Variants in NID2 observed in about 807,000 individuals in gnomAD.
NID2 encodes nidogen-2.
In NID2, 83 loss-of-function variants were observed where a neutral mutation model predicts 145.4. The observed-to-expected ratio is 0.57, with a 90% CI of 0.48 to 0.69. The LOEUF is 0.69. Ranked by LOEUF, NID2 falls within the 30% of genes least tolerant of loss-of-function variation. NID2 has a pLI of 0.00. For missense variants in NID2, 1,807 were observed against 1,765.7 expected, an observed-to-expected ratio of 1.02 and a Z score of -0.42; for synonymous variants, 739 against 701.3, an observed-to-expected ratio of 1.05 and a Z score of -0.85.
Position 52,011,352 on chromosome 14 carries a change from C to T in NID2, c.3550+202G>A, listed in dbSNP as rs903073563. Among the ~76,000 whole-genome samples, 81 of 152,116 alleles carry T rather than the reference C, an allele frequency of 5.3e-4. 1 individual carries two copies. Among genetic ancestry groups the T allele is most frequent in the Admixed American group, 2.6e-4 (4 of 15,270 alleles). On this transcript the variant is annotated intron_variant, in intron 17 of 21. Coordinates refer to ENST00000216286, the MANE Select transcript of NID2 (RefSeq NM_007361.4). ...CATGAATTCTTTTAAGAAGTGCGCA[C>T]AGTAGGAATCACCTATTTCATTCCG...
chr14:52,032,657 T>G (rs527254793), intron 9 of NID2, among the ~76,000 whole-genome samples: 23 of 152,226 alleles, frequency 1.5e-4, no homozygotes, highest in Non-Finnish European at 2.5e-4. Flanking sequence ...AGGAAGTAAT[T>G]GTCAACATGT....
chr14:52,007,123 G>C (rs1890816685), intron 19 of NID2: 1 of 154,548 alleles, frequency 6.5e-6, no homozygotes, highest in South Asian at 2.0e-4. Flanking sequence ...CAATGTAAAG[G>C]AATCAGTCTT....
chr14:52,032,784 C>A (rs1891912699), intron 9 of NID2, among the ~76,000 whole-genome samples: 1 of 131,554 alleles, frequency 7.6e-6, no homozygotes, highest in African/African-American at 2.9e-5. Context: ...AAGAGCTTAC[C>A]ACCCTGCTAG....
At chr14:52,045,776 C>T (rs1270933204) in intron 5 of NID2, among the ~76,000 whole-genome samples, 2 of 152,172 alleles carry the variant, frequency 1.3e-5, no homozygotes, top group African/African-American at 2.4e-5. Context: ...CACCAGTGTG[C>T]TCATGGCTTA....
chr14:52,020,377 A>T (rs1237187472), intron 12 of NID2, 199 bp from the exon 13 acceptor site: 5 of 751,162 alleles, frequency 6.7e-6, no homozygotes, highest in Non-Finnish European at 7.9e-6. Flanking sequence ...ATCAAGGAAC[A>T]TGTGAGTTAA....
intron 18 of NID2, chr14:52,010,642 T>C (rs1337347202): frequency 1.6e-5 from 7 of 445,892 alleles, no homozygotes; most frequent in Admixed American, 3.3e-5. Context: ...CAGACTAATA[T>C]TGTTTATACC....
intron 2 of NID2, among the ~76,000 whole-genome samples, chr14:52,065,968 T>C (rs1022996312): frequency 2.7e-5 from 4 of 149,946 alleles, no homozygotes; most frequent in Admixed American, 2.0e-4. Context: ...TAAACATACG[T>C]GTGCATGTGT....
rs536147789 is a variant in NID2, at chr14:52,048,514, G to A, written c.1429+5065C>T. On this transcript the variant is annotated intron_variant, in intron 5 of 21. Coordinates refer to ENST00000216286, the MANE Select transcript of NID2 (RefSeq NM_007361.4). ...GCAATAAACCCACCCGAGGAAAAGT[G>A]GCACTTTTTCTTTTCGGTGGTCATT... Among the ~76,000 whole-genome samples the A allele has an allele frequency of 1.6e-4, 25 of 152,242 alleles. No individual in the cohort carries two copies. The South Asian group carries it at 3.3e-3, about 20-fold the overall frequency.
chr14:52,055,475 C>G (rs77134817), intron 3 of NID2, among the ~76,000 whole-genome samples: 3,215 of 152,158 alleles, frequency 0.021, 37 homozygotes, highest in Middle Eastern at 0.041. Flanking sequence ...AGTTAAGGAG[C>G]AAATAAGAAA....
chr14:52,030,967 G>A (rs1298779824), intron 9 of NID2, among the ~76,000 whole-genome samples: 1 of 152,224 alleles, frequency 6.6e-6, no homozygotes, highest in African/African-American at 2.4e-5. Context: ...TACATGGTGA[G>A]GAAAATACTA....
At chr14:52,005,568 T>C (rs1336842777) in intron 21 of NID2, 72 bp from the exon 22 acceptor site, 1 of 1,541,386 alleles carries the variant, frequency 6.5e-7, no homozygotes, top group Non-Finnish European at 8.8e-7. Context: ...ACAGCAAGTC[T>C]TTGCATTTTG....
At chr14:52,064,811 C>A (rs371701467) in intron 2 of NID2, among the ~76,000 whole-genome samples, 18 of 152,174 alleles carry the variant, frequency 1.2e-4, no homozygotes, top group African/African-American at 4.1e-4. Context: ...AATATCCATT[C>A]TTTTTAGCCC....
chr14:52,053,778 G>A lies in NID2; in HGVS notation c.1230C>T (p.Thr410=), dbSNP rs889650106. The A allele has an allele frequency of 1.2e-6, 2 of 1,614,178 alleles. No homozygotes were observed. The highest frequency in any genetic ancestry group is 1.7e-6 in the Non-Finnish European group (2 of 1,180,014). Residue 410 remains threonine (T), a synonymous_variant, in exon 5 of 22, where the codon ACC becomes ACT. Transcript: ENST00000216286. ...DRDSLAPSWE[T]PPPYPENGSI... Reference sequence around the variant, plus strand: ...TTCCGTTTTCGGGGTACGGTGGTGGGGTTTCCCAGGAAGGAGCCAGTGAAT... The same window carrying A: ...TTCCGTTTTCGGGGTACGGTGGTGGAGTTTCCCAGGAAGGAGCCAGTGAAT...
chr14:52,068,616 G>A (rs967806018), intron 1 of NID2, 151 bp downstream of exon 1: 4 of 673,772 alleles, frequency 5.9e-6, no homozygotes, highest in African/African-American at 5.4e-5. Context: ...GGGGCAGGCA[G>A]CGGCATCGCT....
Position 52,014,863 on chromosome 14 carries a change from A to C in NID2, c.3250+191T>G, listed in dbSNP as rs901827870. Among the ~76,000 whole-genome samples, 3 of 152,156 alleles carry C rather than the reference A, an allele frequency of 2.0e-5. 1 individual carries two copies. Among genetic ancestry groups the C allele is most frequent in the South Asian group, 4.1e-4 (2 of 4,826 alleles). On this transcript the variant is annotated intron_variant, in intron 15 of 21. Transcript: ENST00000216286. Reference sequence around the variant, plus strand: ...GATGTTCCAATTATGGAAGCTGCTAATGACAAAAACCAGACACCAAACGCA... The same window carrying C: ...GATGTTCCAATTATGGAAGCTGCTACTGACAAAAACCAGACACCAAACGCA...
At chr14:52,030,240 A>G (rs1595023071) in intron 9 of NID2, among the ~76,000 whole-genome samples, 2 of 152,252 alleles carry the variant, frequency 1.3e-5, no homozygotes, top group Admixed American at 1.3e-4. Flanking sequence ...TTCTAAGACT[A>G]AACAGGAATG....
chr14:52,012,224 ATG>A (rs1891057152), intron 16 of NID2, among the ~76,000 whole-genome samples: 1 of 152,172 alleles, frequency 6.6e-6, no homozygotes, highest in Non-Finnish European at 1.5e-5. Flanking sequence ...TCCTCTGTGA[ATG>A]AGATCTTTCC....
chr14:52,042,616 C>T (rs1892326504), intron 6 of NID2, among the ~76,000 whole-genome samples, 166 bp downstream of exon 6: 1 of 152,198 alleles, frequency 6.6e-6, no homozygotes, highest in African/African-American at 2.4e-5. Context: ...GGGAATCAGC[C>T]CAAACCAGTT....
chr14:52,042,119 C>CCGT lies in NID2; in HGVS notation c.1808_1810dup (p.Asn603_Gly604insAsp). On this transcript the variant is annotated inframe_insertion, in exon 7 of 22. Transcript: ENST00000216286. ...GCCCTACTCACCTGCGAGGCTGAAGCCGTTCTCAGAGCCAGGTTTTTCTAA... is the reference window on the plus strand; with the variant it reads ...GCCCTACTCACCTGCGAGGCTGAAGCCGTCGTTCTCAGAGCCAGGTTTTTCTAA... The CCGT allele has an allele frequency of 6.3e-7, 1 of 1,599,382 alleles. No individual in the cohort carries two copies. Among genetic ancestry groups the CCGT allele is most frequent in the Non-Finnish European group, 8.5e-7 (1 of 1,171,240 alleles).
Sources: allele counts gnomAD v4.1 joint callset (sites outside exome capture counted in the v4.1 genomes callset), GRCh38; gene constraint gnomAD v4.1.1; transcripts MANE v1.5; gene names NCBI Gene and HGNC (gene_info 2026-07-23, HGNC 2026-07-21).